The following LCLAT1 variants were observed in gnomAD, a reference collection of about 807,000 sequenced individuals.
The protein encoded by LCLAT1 is lysocardiolipin acyltransferase 1, also known as 1-AGP acyltransferase 8.
In LCLAT1, 11 loss-of-function variants were observed where a neutral mutation model predicts 30.7. That is an observed-to-expected ratio of 0.36 (90% CI 0.23 to 0.59). LCLAT1 has a LOEUF of 0.59. Among genes scored for constraint, LCLAT1 ranks in the 20% least tolerant of loss-of-function variants. The probability of loss-of-function intolerance (pLI) is 0.77; values close to 1 mark genes in which losing one functional copy is unlikely to be tolerated. For synonymous variants in LCLAT1, 155 were observed against 151.3 expected (o/e 1.02, Z -0.18); for missense variants, 402 against 458.6 (o/e 0.88, Z 1.13).
chr2:30,573,252 C>T (rs1456752944), intron 5 of LCLAT1, among the ~76,000 whole-genome samples: 1 of 152,176 alleles, frequency 6.6e-6, no homozygotes, highest in Non-Finnish European at 1.5e-5. Context: ...TAATTATTTT[C>T]ATTCGCAGTG....
intron 5 of LCLAT1, 23 bp downstream of exon 5, chr2:30,568,199 A>G: frequency 7.2e-7 from 1 of 1,383,910 alleles, no homozygotes; most frequent in Non-Finnish European, 1.0e-6. Context: ...TTCAAAATGT[A>G]CTTTTTAATA....
At chr2:30,512,987 C>G (rs1325970511) in intron 1 of LCLAT1, among the ~76,000 whole-genome samples, 1 of 152,132 alleles carries the variant, frequency 6.6e-6, no homozygotes, top group African/African-American at 2.4e-5. Flanking sequence ...TCTGTCTTGA[C>G]AAGTACTGCC....
intron 1 of LCLAT1, among the ~76,000 whole-genome samples, chr2:30,473,757 G>T (rs773714663): frequency 6.6e-6 from 1 of 152,160 alleles, no homozygotes; most frequent in Non-Finnish European, 1.5e-5. Context: ...AACAGGTTGT[G>T]GTTGCTAGAG....
At chr2:30,622,419 G>C (rs1171468794) in intron 5 of LCLAT1, among the ~76,000 whole-genome samples, 3 of 152,080 alleles carry the variant, frequency 2.0e-5, no homozygotes, top group Non-Finnish European at 2.9e-5. Context: ...GACAGCCCTA[G>C]GGCAAACTTG....
intron 3 of LCLAT1, among the ~76,000 whole-genome samples, chr2:30,556,503 TA>T (rs1406710792): frequency 7.2e-6 from 1 of 138,168 alleles, no homozygotes; most frequent in Non-Finnish European, 1.6e-5. Context: ...ACAGGAAACA[TA>T]AAATGAGCTA....
At chr2:30,610,093 CATTTTTCTA>C (rs1474192632) in intron 5 of LCLAT1, among the ~76,000 whole-genome samples, 2 of 152,114 alleles carry the variant, frequency 1.3e-5, no homozygotes, top group Admixed American at 6.5e-5. Context: ...ATACCCCCTG[CATTTTTCTA>C]ATAACTAGAC....
chr2:30,638,820 CCG>C (rs1669158980), intron 5 of LCLAT1, among the ~76,000 whole-genome samples: 2 of 92,370 alleles, frequency 2.2e-5, no homozygotes, highest in African/African-American at 2.2e-4. Context: ...GGTGTCACAT[CCG>C]TCTCCCACAT....
chr2:30,613,339 C>T (rs1030944360), intron 5 of LCLAT1, among the ~76,000 whole-genome samples: 30 of 151,912 alleles, frequency 2.0e-4, no homozygotes, highest in African/African-American at 6.3e-4. Flanking sequence ...ATCTGTAGGT[C>T]GGGCAGGTGG....
chr2:30,552,746 C>A (rs942522079), intron 3 of LCLAT1: 6 of 211,008 alleles, frequency 2.8e-5, no homozygotes, highest in African/African-American at 1.2e-4. Flanking sequence ...CTACTTGTTA[C>A]TTAACTCCCT....
intron 3 of LCLAT1, among the ~76,000 whole-genome samples, chr2:30,547,332 T>A (rs1006950534): frequency 6.6e-6 from 1 of 152,226 alleles, no homozygotes; most frequent in African/African-American, 2.4e-5. Flanking sequence ...TAAATAATCA[T>A]ATAAAGCTTC....
chr2:30,460,604 C>CA (rs1682068525), intron 1 of LCLAT1, among the ~76,000 whole-genome samples: 1 of 152,130 alleles, frequency 6.6e-6, no homozygotes, highest in Non-Finnish European at 1.5e-5. Context: ...CAATGAGCTT[C>CA]AAAAAATCTT....
chr2:30,558,373 G>A (rs889598340), intron 3 of LCLAT1, among the ~76,000 whole-genome samples: 19 of 152,134 alleles, frequency 1.2e-4, no homozygotes, highest in Non-Finnish European at 2.1e-4. Context: ...GCCTAAGCAG[G>A]TGGATCACCT....
intron 1 of LCLAT1, among the ~76,000 whole-genome samples, chr2:30,477,258 C>T (rs933898949): frequency 1.3e-5 from 2 of 152,118 alleles, no homozygotes; most frequent in African/African-American, 4.8e-5. Flanking sequence ...AAATCGATTT[C>T]TCCATTTGTA....
intron 1 of LCLAT1, among the ~76,000 whole-genome samples, chr2:30,471,763 C>G (rs551819802): frequency 1.6e-4 from 25 of 152,016 alleles, no homozygotes; most frequent in Non-Finnish European, 2.9e-4. Flanking sequence ...TTTATTAGCT[C>G]TAGTAGTATT....
At chr2:30,600,227 C>A (rs913778044) in intron 5 of LCLAT1, among the ~76,000 whole-genome samples, 7 of 152,134 alleles carry the variant, frequency 4.6e-5, no homozygotes, top group African/African-American at 1.7e-4. Context: ...CAAAACCATA[C>A]AACTACATGG....
At chr2:30,525,847 C>A (rs1458755223) in intron 2 of LCLAT1, 92 bp downstream of exon 2, 3 of 1,084,198 alleles carry the variant, frequency 2.8e-6, no homozygotes, top group Non-Finnish European at 4.2e-6. Context: ...CAAGTCCCTA[C>A]AGTATTTGCA....
chr2:30,452,573 A>G (rs115842540), intron 1 of LCLAT1, among the ~76,000 whole-genome samples: 9 of 152,344 alleles, frequency 5.9e-5, no homozygotes, highest in East Asian at 1.9e-4. Context: ...GTTTTGATCA[A>G]TACAATACAT....
At chr2:30,630,339 T>C (rs1032939645) in intron 5 of LCLAT1, among the ~76,000 whole-genome samples, 2 of 152,224 alleles carry the variant, frequency 1.3e-5, no homozygotes, top group Non-Finnish European at 2.9e-5. Context: ...GAGGATACAA[T>C]TGTCTATAAC....
chr2:30,486,430 G>C (rs756316253), intron 1 of LCLAT1, among the ~76,000 whole-genome samples: 1 of 152,124 alleles, frequency 6.6e-6, no homozygotes, highest in East Asian at 1.9e-4. Context: ...TAAGTTTAGC[G>C]TTTGAGAACC....
Sources: allele counts gnomAD v4.1 joint callset (sites outside exome capture counted in the v4.1 genomes callset), GRCh38; gene constraint gnomAD v4.1.1; transcripts MANE v1.5; gene names NCBI Gene and HGNC (gene_info 2026-07-23, HGNC 2026-07-21).